DRC9: variants seen among roughly 807,000 people sequenced by gnomAD.
DRC9 encodes dynein regulatory complex protein 9.
At chr3:197,914,072 G>T in the DRC9 span, 1 of 1,588,558 alleles carries the variant, frequency 6.3e-7, no homozygotes, top group South Asian at 1.1e-5. Flanking sequence ...TTTCTAAATT[G>T]AAAATACATT....
the DRC9 span, chr3:197,912,631 G>A: frequency 2.2e-6 from 3 of 1,351,624 alleles, no homozygotes; most frequent in Non-Finnish European, 3.2e-6. Context: ...TATAAGCAGA[G>A]TACAAAAAAA....
the DRC9 span, chr3:197,926,077 A>G: frequency 5.6e-5 from 88 of 1,582,812 alleles, no homozygotes; most frequent in Non-Finnish European, 7.3e-5. Flanking sequence ...TTTTGAAGTG[A>G]TATTATCTGT....
chr3:197,953,415 G>T, the DRC9 span: 1 of 456,646 alleles, frequency 2.2e-6, no homozygotes, highest in Non-Finnish European at 4.4e-6. Context: ...TTTGTACATT[G>T]CTCGAACCAC....
the DRC9 span, chr3:197,945,662 T>C: frequency 2.6e-6 from 4 of 1,546,532 alleles, no homozygotes; most frequent in Non-Finnish European, 3.5e-6. Flanking sequence ...GTGGTATATT[T>C]ATAATCTCAC....
the DRC9 span, chr3:197,955,977 G>A: frequency 7.0e-6 from 4 of 574,220 alleles, no homozygotes; most frequent in Non-Finnish European, 9.4e-6. Context: ...GGGTTTTAAT[G>A]CGAGTATCTT....
chr3:197,954,325 GTTTGTTT>G, the DRC9 span: 13 of 704,808 alleles, frequency 1.8e-5, no homozygotes, highest in Middle Eastern at 2.8e-4. Context: ...GTGTTTGGTT[GTTTGTTT>G]TTTGTTTTTT....
chr3:197,945,209 C>T, the DRC9 span, among the ~76,000 whole-genome samples: 1 of 152,322 alleles, frequency 6.6e-6, no homozygotes, highest in African/African-American at 2.4e-5. Flanking sequence ...TCTCAAATCT[C>T]TCACTGTGAG....
the DRC9 span, among the ~76,000 whole-genome samples, chr3:197,955,161 TACTGTTGAACCCTGCTAAGTGGTTC>T: frequency 3.3e-5 from 5 of 152,260 alleles, no homozygotes; most frequent in East Asian, 9.7e-4. Flanking sequence ...GGCCAGGGGG[TACTGTTGAACCCTGCTAAGTGGTTC>T]ATTAGGGTTT....
At chr3:197,943,856 C>T in the DRC9 span, 1 of 1,614,148 alleles carries the variant, frequency 6.2e-7, no homozygotes, top group Non-Finnish European at 8.5e-7. Flanking sequence ...TGGTGTCCTC[C>T]AGAACTGCCG....
chr3:197,938,935 G>T, the DRC9 span: 1 of 620,296 alleles, frequency 1.6e-6, no homozygotes, highest in Non-Finnish European at 2.8e-6. Flanking sequence ...CAAACCACAC[G>T]CGCCCTGCTG....
At chr3:197,951,538 A>G in the DRC9 span, 11 of 516,776 alleles carry the variant, frequency 2.1e-5, 1 homozygote, top group East Asian at 1.5e-4. Flanking sequence ...TTATTAGTAG[A>G]GACAGGGTAT....
At chr3:197,944,684 G>A in the DRC9 span, among the ~76,000 whole-genome samples, 2 of 152,078 alleles carry the variant, frequency 1.3e-5, no homozygotes, top group African/African-American at 2.4e-5. Flanking sequence ...TCCTGACCTC[G>A]TGATCCGCCC....
the DRC9 span, chr3:197,957,189 ATAC>A: frequency 4.6e-5 from 7 of 152,322 alleles, no homozygotes; most frequent in East Asian, 1.2e-3. Flanking sequence ...AAGAGTGGGA[ATAC>A]TGTCCAGCTT....
chr3:197,929,630 GC>G, the DRC9 span, among the ~76,000 whole-genome samples: 1 of 152,130 alleles, frequency 6.6e-6, no homozygotes, highest in Non-Finnish European at 1.5e-5. The surrounding 1 kb of genome is among the most constrained non-coding windows in gnomAD (Gnocchi z 4.6). Flanking sequence ...AAAAAAATTA[GC>G]TGGGCATAGT....
chr3:197,894,684 G>A, the DRC9 span: 3 of 152,164 alleles, frequency 2.0e-5, no homozygotes, highest in Admixed American at 2.0e-4. Flanking sequence ...TCAGACTCGG[G>A]GACGATGCAC....
At chr3:197,914,655 G>T in the DRC9 span, among the ~76,000 whole-genome samples, 591 of 152,226 alleles carry the variant, frequency 3.9e-3, 3 homozygotes, top group African/African-American at 0.014. Context: ...CCCTCATAGA[G>T]CTTACAGTCT....
At chr3:197,948,019 C>T in the DRC9 span, among the ~76,000 whole-genome samples, 34 of 151,050 alleles carry the variant, frequency 2.3e-4, no homozygotes, top group South Asian at 2.3e-3. Flanking sequence ...TGAAACCTCC[C>T]CCTACCAGGT....
At chr3:197,891,660 G>A in the DRC9 span, 1 of 489,012 alleles carries the variant, frequency 2.0e-6, no homozygotes, top group Non-Finnish European at 3.6e-6. Context: ...TCAATCTAAA[G>A]ATAAACCAAA....
At chr3:197,951,599 C>T in the DRC9 span, 9 of 402,034 alleles carry the variant, frequency 2.2e-5, no homozygotes, top group Non-Finnish European at 3.7e-5. Flanking sequence ...GTGATCCGCC[C>T]ACCTCGGCCT....
Sources: allele counts gnomAD v4.1 joint callset (sites outside exome capture counted in the v4.1 genomes callset), GRCh38; gene constraint gnomAD v4.1.1; non-coding constraint Gnocchi (gnomAD v3.1); transcripts MANE v1.5; gene names NCBI Gene and HGNC (gene_info 2026-07-23, HGNC 2026-07-21).